The following RBFOX1 variants were observed in gnomAD, a reference collection of about 807,000 sequenced individuals.
RBFOX1 encodes RNA binding protein fox-1 homolog 1.
A neutral mutation model predicts 57.7 loss-of-function variants in RBFOX1; 8 were observed. The observed-to-expected ratio is 0.14, with a 90% CI of 0.08 to 0.25. The LOEUF (loss-of-function observed/expected upper bound fraction) is 0.25, where lower values mean the gene tolerates loss of function less well. RBFOX1 is among the 10% of genes least tolerant of loss of function. The probability of loss-of-function intolerance (pLI) is 1.00; values close to 1 mark genes in which losing one functional copy is unlikely to be tolerated. For synonymous variants in RBFOX1, 326 were observed against 222.4 expected, an observed-to-expected ratio of 1.47 and a Z score of -4.15; for missense variants, 611 against 548.5, an observed-to-expected ratio of 1.11 and a Z score of -1.14.
intron 2 of RBFOX1, among the ~76,000 whole-genome samples, chr16:5,597,281 C>A: frequency 6.9e-6 from 1 of 144,652 alleles, no homozygotes; most frequent in Non-Finnish European, 1.5e-5. Flanking sequence ...TTCCCTCTTT[C>A]TCTCCGTTGC....
chr16:6,890,597 A>G (rs2065182899), intron 3 of RBFOX1, among the ~76,000 whole-genome samples: 1 of 152,146 alleles, frequency 6.6e-6, no homozygotes. Context: ...TTAAGGAATC[A>G]TTGCTTTGGT....
chr16:5,522,429 C>G (rs1006993185), intron 2 of RBFOX1, among the ~76,000 whole-genome samples: 1 of 152,182 alleles, frequency 6.6e-6, no homozygotes, highest in Non-Finnish European at 1.5e-5. Flanking sequence ...ATAGTATTTG[C>G]AGATATTTAA....
intron 14 of RBFOX1, among the ~76,000 whole-genome samples, chr16:7,685,613 C>T (rs958820541): frequency 1.3e-5 from 2 of 152,028 alleles, no homozygotes; most frequent in African/African-American, 2.4e-5. Context: ...CAAATGTTAT[C>T]AATAACTCGG....
intron 3 of RBFOX1, among the ~76,000 whole-genome samples, chr16:6,733,667 C>A (rs2069254701): frequency 6.6e-6 from 1 of 152,116 alleles, no homozygotes; most frequent in South Asian, 2.1e-4. Context: ...CTGAGATGGG[C>A]AGGTCGCATG....
At chr16:6,739,474 TC>T (rs202110785) in intron 3 of RBFOX1, among the ~76,000 whole-genome samples, 7 of 149,520 alleles carry the variant, frequency 4.7e-5, no homozygotes, top group African/African-American at 1.7e-4. Context: ...TAATTTAACA[TC>T]CCCCCTCCCC....
At chr16:7,555,102 T>G (rs4787045) in intron 5 of RBFOX1, among the ~76,000 whole-genome samples, 79,985 of 150,530 alleles carry the variant, frequency 0.53, 21,553 homozygotes, top group Middle Eastern at 0.61. Context: ...TAAGGGGGGG[T>G]TTTTAGTAGA....
chr16:5,987,891 G>C (rs1483600442), intron 4 of RBFOX1, among the ~76,000 whole-genome samples: 2 of 152,156 alleles, frequency 1.3e-5, no homozygotes, highest in African/African-American at 4.8e-5. Context: ...AATCCCTGAA[G>C]TTACACTGTG....
chr16:7,706,612 A>G (rs186352199), intron 14 of RBFOX1, among the ~76,000 whole-genome samples: 3 of 152,242 alleles, frequency 2.0e-5, no homozygotes, highest in African/African-American at 7.2e-5. Flanking sequence ...ATCTTTTCAC[A>G]TTTGTTTTGA....
chr16:7,429,982 T>G (rs1393788202), intron 4 of RBFOX1, among the ~76,000 whole-genome samples: 1 of 152,222 alleles, frequency 6.6e-6, no homozygotes, highest in Non-Finnish European at 1.5e-5. Context: ...CCTGCAATCA[T>G]TGAGTTTCTC....
intron 4 of RBFOX1, among the ~76,000 whole-genome samples, chr16:7,495,733 A>G (rs2151675049): frequency 6.6e-6 from 1 of 152,306 alleles, no homozygotes; most frequent in East Asian, 1.9e-4. Context: ...ATTTATTTTA[A>G]GACTACACAT....
At chr16:7,371,737 C>T (rs1160784768) in intron 4 of RBFOX1, among the ~76,000 whole-genome samples, 2 of 151,810 alleles carry the variant, frequency 1.3e-5, no homozygotes, top group East Asian at 3.9e-4. Context: ...GCGACAAGAG[C>T]AAAACTCTAT....
Position 6,343,914 on chromosome 16 carries a change from T to C in RBFOX1, c.-64+26857T>C, listed in dbSNP as rs540491454. The stretch of plus-strand genomic sequence containing the variant: ...TTAAAGATGATGCTTCTCATGTAAA[T>C]TGCTTGAGGTTTTCACGAGTCTCTG... On this transcript the variant is annotated intron_variant, in intron 2 of 15. Coordinates refer to ENST00000550418, the MANE Select transcript of RBFOX1 (RefSeq NM_018723.4). Among the ~76,000 whole-genome samples the C allele has an allele frequency of 2.6e-5, 4 of 152,336 alleles. No individual in the cohort carries two copies. In the East Asian group the frequency reaches 7.7e-4, roughly 29 times the overall value.
In RBFOX1 at chr16:5,279,856, C is replaced by T. The variant is rs191474037; in HGVS notation, c.219+39751C>T. Among the ~76,000 whole-genome samples, 10 of 152,226 alleles carry T rather than the reference C, an allele frequency of 6.6e-5. No individual in the cohort carries two copies. The East Asian group carries it at 9.6e-4, about 15-fold the overall frequency. On this transcript the variant is annotated intron_variant, in intron 1 of 2. Transcript: ENST00000585867. Reference sequence around the variant, plus strand: ...TGGAGTCTTTGGGTTTTTCTGTTTACGAGTATAAGATTATGTCATCTGCAA... The same window carrying T: ...TGGAGTCTTTGGGTTTTTCTGTTTATGAGTATAAGATTATGTCATCTGCAA...
chr16:7,282,169 A>T (rs921158457), intron 4 of RBFOX1, among the ~76,000 whole-genome samples: 1 of 152,162 alleles, frequency 6.6e-6, no homozygotes, highest in African/African-American at 2.4e-5. Context: ...GGCCGACTAA[A>T]GCGATGTCTG....
chr16:6,776,369 C>G (rs957816891), intron 3 of RBFOX1, among the ~76,000 whole-genome samples: 2 of 152,082 alleles, frequency 1.3e-5, no homozygotes, highest in African/African-American at 2.4e-5. Flanking sequence ...CGAGGTCATG[C>G]CACTGCACTC....
chr16:5,662,638 G>C (rs188465245), intron 3 of RBFOX1, among the ~76,000 whole-genome samples: 12 of 152,272 alleles, frequency 7.9e-5, no homozygotes, highest in Admixed American at 7.2e-4. Context: ...CTTTAAAAAT[G>C]TGTTAGTGAA....
At chr16:5,252,179 G>T (rs1378791266) in intron 1 of RBFOX1, among the ~76,000 whole-genome samples, 5 of 152,182 alleles carry the variant, frequency 3.3e-5, no homozygotes, top group Admixed American at 2.6e-4. Context: ...CCTCATCACA[G>T]CCCTTGACTC....
At chr16:6,215,949 C>G (rs189350915) in intron 1 of RBFOX1, among the ~76,000 whole-genome samples, 1 of 151,994 alleles carries the variant, frequency 6.6e-6, no homozygotes, top group Admixed American at 6.6e-5. Context: ...AGATCACAGC[C>G]GTAAAAAGAA....
At chr16:7,177,513 A>T (rs1216833450) in intron 4 of RBFOX1, among the ~76,000 whole-genome samples, 2 of 151,884 alleles carry the variant, frequency 1.3e-5, no homozygotes, top group Admixed American at 1.3e-4. Flanking sequence ...ATACAAAAAG[A>T]AGTAGATCAG....
Sources: gnomAD v4.1 joint callset for allele counts (sites outside exome capture counted in the v4.1 genomes callset) on GRCh38, gnomAD v4.1.1 for gene constraint, MANE v1.5 for transcripts, NCBI Gene and HGNC (gene_info 2026-07-23, HGNC 2026-07-21) for gene names.